CXCL13: variants seen among roughly 807,000 people sequenced by gnomAD.
CXCL13 encodes C-X-C motif chemokine ligand 13.
Under a neutral mutation model 12.2 loss-of-function variants are expected in CXCL13, and 7 were observed. The ratio of observed to expected loss-of-function variants is 0.57; its 90% CI spans 0.33 to 1.07. The LOEUF is 1.07. Among genes scored for constraint, CXCL13 ranks in the 50% least tolerant of loss-of-function variants. CXCL13 has a pLI of 0.04. For missense variants in CXCL13, 113 were observed against 127.4 expected, an observed-to-expected ratio of 0.89 and a Z score of 0.55; for synonymous variants, 47 against 42.4, an observed-to-expected ratio of 1.11 and a Z score of -0.42.
chr4:77,565,057 A>G (rs552712281), intron 1 of CXCL13, among the ~76,000 whole-genome samples: 2 of 152,298 alleles, frequency 1.3e-5, no homozygotes, highest in African/African-American at 2.4e-5. Context: ...TGTTCTACTG[A>G]TCCCTTGGTT....
At chr4:77,550,724 C>A (rs1213215679) in intron 1 of CXCL13, among the ~76,000 whole-genome samples, 1 of 152,040 alleles carries the variant, frequency 6.6e-6, no homozygotes, top group African/African-American at 2.4e-5. Context: ...GTTAAAATTC[C>A]CCAATATTAT....
intron 1 of CXCL13, among the ~76,000 whole-genome samples, chr4:77,580,289 A>T (rs1181180152): frequency 8.3e-5 from 12 of 144,724 alleles, no homozygotes; most frequent in African/African-American, 2.3e-4. Flanking sequence ...TATATTTTTT[A>T]AAAAGACAAG....
At chr4:77,513,633 T>A (rs1404542523) in intron 1 of CXCL13, among the ~76,000 whole-genome samples, 4 of 152,010 alleles carry the variant, frequency 2.6e-5, no homozygotes, top group African/African-American at 9.7e-5. Context: ...ATTGTCTTTT[T>A]AGTAGAGTCG....
Position 77,588,876 on chromosome 4 carries a change from G to A in CXCL13, c.-42-16948G>A, listed in dbSNP as rs371219176. On this transcript the variant is annotated intron_variant, in intron 1 of 4. Coordinates refer to the CXCL13 transcript ENST00000286758. Reference sequence around the variant, plus strand: ...AACCACTACATGTAGTAATGGAGGTGAATCAAACTCAGGAAGACTAGGATA... The same window carrying A: ...AACCACTACATGTAGTAATGGAGGTAAATCAAACTCAGGAAGACTAGGATA... 1.4e-4 allele frequency among the ~76,000 whole-genome samples: 21 copies of A among 152,274 alleles called. No individual in the cohort carries two copies. In the South Asian group the frequency reaches 2.5e-3, roughly 18 times the overall value.
Position 77,607,732 on chromosome 4 carries a change from A to G in CXCL13, c.94A>G (p.Arg32Gly). ...TCTGGAGGTCTATTACACAAGCTTG[A>G]GGTGTAGATGTGTCCAAGAGAGCTC... Reference protein sequence around the residue: ...GVLEVYYTSLRCRCVQESSVF... With the variant: ...GVLEVYYTSLGCRCVQESSVF... The change falls in exon 2 of 4, where the codon AGG becomes GGG. Residue 32 changes from arginine (R) to glycine (G), a missense_variant. Arg to Gly is a moderately radical substitution (Grantham distance 125, BLOSUM62 -2). Transcript: ENST00000682537. 1 of 1,613,570 alleles carries G rather than the reference A, an allele frequency of 6.2e-7. No individual in the cohort carries two copies. The highest frequency in any genetic ancestry group is 8.5e-7 in the Non-Finnish European group (1 of 1,179,660).
intron 1 of CXCL13, among the ~76,000 whole-genome samples, chr4:77,542,244 T>C (rs1196150704): frequency 1.3e-5 from 2 of 152,176 alleles, no homozygotes; most frequent in Non-Finnish European, 2.9e-5. Flanking sequence ...TTTGGAACTA[T>C]GTTGAATAGG....
intron 1 of CXCL13, among the ~76,000 whole-genome samples, chr4:77,544,984 C>T (rs2109803292): frequency 6.6e-6 from 1 of 152,276 alleles, no homozygotes. Flanking sequence ...GTTTTTCCAG[C>T]ACCATTTATT....
intron 1 of CXCL13, among the ~76,000 whole-genome samples, chr4:77,543,706 A>G (rs1242457532): frequency 6.6e-6 from 1 of 151,928 alleles, no homozygotes; most frequent in Non-Finnish European, 1.5e-5. Flanking sequence ...TTATTCCAAT[A>G]TGGTCTGAGA....
intron 1 of CXCL13, among the ~76,000 whole-genome samples, chr4:77,584,627 A>G (rs1254045946): frequency 6.6e-6 from 1 of 152,166 alleles, no homozygotes; most frequent in Non-Finnish European, 1.5e-5. Context: ...TTGAGTTTCT[A>G]GGGCACAGGA....
chr4:77,525,614 T>A (rs1724743091), intron 1 of CXCL13, among the ~76,000 whole-genome samples: 1 of 151,832 alleles, frequency 6.6e-6, no homozygotes, highest in Non-Finnish European at 1.5e-5. Flanking sequence ...CACAGTTGAG[T>A]CTTTTTTTTT....
At chr4:77,559,790 C>T (rs571570032) in intron 1 of CXCL13, among the ~76,000 whole-genome samples, 12 of 151,988 alleles carry the variant, frequency 7.9e-5, no homozygotes, top group East Asian at 1.9e-4. Context: ...GGCATGGTGG[C>T]GGGTGCCTGT....
chr4:77,549,574 T>G (rs1725457708), intron 1 of CXCL13, among the ~76,000 whole-genome samples: 1 of 152,242 alleles, frequency 6.6e-6, no homozygotes, highest in South Asian at 2.1e-4. Context: ...TTGTTAGTTT[T>G]ACTTCTAACA....
In CXCL13 at chr4:77,563,646, G is replaced by C. The variant is rs183945775; in HGVS notation, c.-42-42178G>C. Among the ~76,000 whole-genome samples, 361 of 152,324 alleles carry C rather than the reference G, an allele frequency of 2.4e-3. 2 individuals carry two copies. The highest frequency in any genetic ancestry group is 8.3e-3 in the African/African-American group (346 of 41,578). On this transcript the variant is annotated intron_variant, in intron 1 of 4. Coordinates refer to the CXCL13 transcript ENST00000286758. Reference sequence around the variant, plus strand: ...AATGAGTATAACACTCTCAAGAATAGTGGGATCTTCTTATGAGACTGCTGA... The same window carrying C: ...AATGAGTATAACACTCTCAAGAATACTGGGATCTTCTTATGAGACTGCTGA...
At chr4:77,514,234 T>A (rs1724350377) in intron 1 of CXCL13, among the ~76,000 whole-genome samples, 2 of 152,236 alleles carry the variant, frequency 1.3e-5, no homozygotes, top group African/African-American at 4.8e-5. Context: ...GTTCCAAGTC[T>A]TTGCTATTGT....
chr4:77,570,866 G>A (rs139267301), intron 1 of CXCL13, among the ~76,000 whole-genome samples: 79 of 152,118 alleles, frequency 5.2e-4, no homozygotes, highest in East Asian at 2.5e-3. Context: ...CCGGTGCTGC[G>A]CTCGATTTCT....
chr4:77,569,153 A>C (rs543499578), intron 1 of CXCL13, among the ~76,000 whole-genome samples: 1 of 152,218 alleles, frequency 6.6e-6, no homozygotes, highest in Non-Finnish European at 1.5e-5. Flanking sequence ...CCCACAGCCA[A>C]CATTATACTG....
intron 1 of CXCL13, among the ~76,000 whole-genome samples, chr4:77,579,754 T>C (rs907845798): frequency 6.6e-6 from 1 of 152,220 alleles, no homozygotes; most frequent in Non-Finnish European, 1.5e-5. Context: ...GCTCTGCTTC[T>C]TTGCAGAGAA....
chr4:77,593,132 C>A (rs905951605), intron 1 of CXCL13, among the ~76,000 whole-genome samples: 6 of 152,122 alleles, frequency 3.9e-5, no homozygotes, highest in Non-Finnish European at 8.8e-5. Context: ...CTCATCGATT[C>A]TTCCCACACC....
At chr4:77,536,147 G>T (rs1236144568) in intron 1 of CXCL13, among the ~76,000 whole-genome samples, 3 of 152,068 alleles carry the variant, frequency 2.0e-5, no homozygotes, top group Non-Finnish European at 2.9e-5. Context: ...TCAGCTTTTG[G>T]GGGCAGGAAA....
Sources: gnomAD v4.1 joint callset for allele counts (sites outside exome capture counted in the v4.1 genomes callset) on GRCh38, gnomAD v4.1.1 for gene constraint, MANE v1.5 for transcripts, NCBI Gene and HGNC (gene_info 2026-07-23, HGNC 2026-07-21) for gene names.